Variants in FHOD3 observed in about 807,000 individuals in gnomAD.
The protein encoded by FHOD3 is FH1/FH2 domain-containing protein 3.
Under a neutral mutation model 173.0 loss-of-function variants are expected in FHOD3, and 90 were observed. The observed-to-expected ratio is 0.52, with a 90% CI of 0.44 to 0.62. The LOEUF is 0.62. Ranked by LOEUF, FHOD3 falls within the 20% of genes least tolerant of loss-of-function variation. The pLI is 0.00. For synonymous variants in FHOD3, 828 were observed against 823.0 expected, an observed-to-expected ratio of 1.01 and a Z score of -0.10; for missense variants, 1,945 against 2,034.7, an observed-to-expected ratio of 0.96 and a Z score of 0.85.
chr18:36,580,221 A>G (rs965425502), intron 6 of FHOD3, among the ~76,000 whole-genome samples: 10 of 151,950 alleles, frequency 6.6e-5, no homozygotes, highest in African/African-American at 2.2e-4. Context: ...GTGGTTCAGG[A>G]CTCTGGGCTG....
Position 36,375,198 on chromosome 18 carries a change from C to T in FHOD3, c.337+2454C>T, listed in dbSNP as rs563262535. ...TTTCTTATGGATAAAGAAAACAATA[C>T]CCGGAACAATTTTGAGTCAAAATGA... On this transcript the variant is annotated intron_variant, in intron 3 of 28. Coordinates refer to ENST00000590592, the MANE Select transcript of FHOD3 (RefSeq NM_001281740.3). Among the ~76,000 whole-genome samples the T allele has an allele frequency of 1.7e-3, 260 of 152,274 alleles. 11 individuals are homozygous for T. In the South Asian group the frequency reaches 0.048, roughly 28 times the overall value.
At chr18:36,504,606 G>A (rs577855946) in intron 4 of FHOD3, among the ~76,000 whole-genome samples, 2 of 151,694 alleles carry the variant, frequency 1.3e-5, no homozygotes, top group Admixed American at 6.6e-5. Context: ...GTGGGGGCAG[G>A]GGGGAGGGGA....
intron 17 of FHOD3, among the ~76,000 whole-genome samples, chr18:36,701,655 G>A (rs928893008): frequency 1.3e-5 from 2 of 152,064 alleles, no homozygotes; most frequent in South Asian, 4.2e-4. Flanking sequence ...GCCCCTTGTC[G>A]TATGAACAAT....
chr18:36,726,254 C>G (rs773939967), intron 19 of FHOD3, among the ~76,000 whole-genome samples: 41 of 151,988 alleles, frequency 2.7e-4, no homozygotes, highest in Non-Finnish European at 5.0e-4. Context: ...TGAGGTTTCT[C>G]ATTTATCCAA....
At chr18:36,509,032 T>C (rs1471654872) in intron 4 of FHOD3, among the ~76,000 whole-genome samples, 1 of 152,186 alleles carries the variant, frequency 6.6e-6, no homozygotes, top group Non-Finnish European at 1.5e-5. Flanking sequence ...CAATAAACTA[T>C]TTATAAATGA....
chr18:36,546,238 G>A (rs1194566051), intron 5 of FHOD3, among the ~76,000 whole-genome samples: 1 of 152,174 alleles, frequency 6.6e-6, no homozygotes, highest in African/African-American at 2.4e-5. Context: ...TACAAATAGG[G>A]ACTGTTTACC....
intron 10 of FHOD3, among the ~76,000 whole-genome samples, chr18:36,632,730 G>A (rs925384534): frequency 1.3e-5 from 2 of 152,184 alleles, no homozygotes; most frequent in Admixed American, 1.3e-4. Context: ...TAGGAGGTAA[G>A]CAATGGAAGA....
chr18:36,572,579 T>C (rs182718355), intron 5 of FHOD3, among the ~76,000 whole-genome samples: 1 of 152,306 alleles, frequency 6.6e-6, no homozygotes, highest in East Asian at 1.9e-4. Context: ...ACATGAACTT[T>C]GTAGTGATGC....
intron 5 of FHOD3, among the ~76,000 whole-genome samples, chr18:36,542,899 T>A (rs1464589962): frequency 6.6e-6 from 1 of 152,222 alleles, no homozygotes; most frequent in Non-Finnish European, 1.5e-5. Context: ...TTTTTATGTA[T>A]CAACTCAGCT....
Position 36,754,588 on chromosome 18 carries a change from A to T in FHOD3, c.4233-531A>T, listed in dbSNP as rs1378016721. On this transcript the variant is annotated intron_variant, in intron 24 of 28. Coordinates refer to ENST00000590592, the MANE Select transcript of FHOD3 (RefSeq NM_001281740.3). ...TAAAAATATTTACTCAGAAAACAGC[A>T]TCTACTTAGAAGCTATGAATTAACA... Among the ~76,000 whole-genome samples the T allele has an allele frequency of 1.3e-5, 2 of 152,110 alleles. 1 individual carries two copies. Among genetic ancestry groups the T allele is most frequent in the East Asian group, 3.8e-4 (2 of 5,206 alleles).
Position 36,611,881 on chromosome 18 carries a change from T to G in FHOD3, c.814-71T>G, listed in dbSNP as rs201884191. The G allele has an allele frequency of 1.7e-3, 2,517 of 1,472,980 alleles. 3 individuals are homozygous for G. The highest frequency in any genetic ancestry group is 2.1e-3 in the Non-Finnish European group (2,312 of 1,093,072). The allele number at this position is 1,472,980 out of a possible 1,614,324, so 91.2% of individuals were successfully genotyped here. A position where few individuals can be genotyped will look rare whatever the true frequency, so the allele number is the denominator to read the frequency against. ...ATAACAATATGCCTGGATTAGGCATTGGAAAATGCCCTGAGAGCCTCAAGG... is the reference window on the plus strand; with the variant it reads ...ATAACAATATGCCTGGATTAGGCATGGGAAAATGCCCTGAGAGCCTCAAGG... On this transcript the variant is annotated intron_variant, in intron 8 of 28. Transcript: ENST00000590592.
intron 5 of FHOD3, among the ~76,000 whole-genome samples, chr18:36,562,887 C>T (rs987679136): frequency 4.6e-5 from 7 of 152,140 alleles, no homozygotes; most frequent in African/African-American, 7.2e-5. Flanking sequence ...AGATCCAAGG[C>T]GTGAGGAGGG....
chr18:36,422,385 T>C (rs903438042), intron 3 of FHOD3, among the ~76,000 whole-genome samples: 3 of 152,206 alleles, frequency 2.0e-5, no homozygotes, highest in Admixed American at 6.5e-5. Flanking sequence ...CTATCCCCTG[T>C]TGAAGGATAG....
In FHOD3 at chr18:36,459,236, A is replaced by T. The variant is rs1318437328; in HGVS notation, c.338-42696A>T. On this transcript the variant is annotated intron_variant, in intron 3 of 28. Coordinates refer to ENST00000590592, the MANE Select transcript of FHOD3 (RefSeq NM_001281740.3). ...TCCTGATTGAGAAAGAGGAGCTTGC[A>T]GTCTAGTTGGGCAGATAAGTGATAC... Among the ~76,000 whole-genome samples the T allele has an allele frequency of 2.0e-5, 3 of 152,242 alleles. No individual in the cohort carries two copies. In the East Asian group the frequency reaches 5.8e-4, roughly 29 times the overall value.
chr18:36,532,048 C>T (rs901097664), intron 5 of FHOD3, among the ~76,000 whole-genome samples: 2 of 152,368 alleles, frequency 1.3e-5, no homozygotes, highest in South Asian at 2.1e-4. Flanking sequence ...CTTCTGTTCT[C>T]TGCACAGCTG....
intron 3 of FHOD3, among the ~76,000 whole-genome samples, chr18:36,468,107 CGA>C (rs749624596): frequency 8.7e-4 from 132 of 152,120 alleles, no homozygotes; most frequent in Non-Finnish European, 1.6e-3. Context: ...TTCTGGGAGC[CGA>C]GAGGGGAAGA....
intron 3 of FHOD3, among the ~76,000 whole-genome samples, chr18:36,457,459 A>G (rs1461800607): frequency 9.9e-5 from 15 of 152,242 alleles, no homozygotes; most frequent in Non-Finnish European, 7.3e-5. Context: ...GCTTCCGTAC[A>G]GAACATCTGA....
chr18:36,532,279 C>T (rs528256948), intron 5 of FHOD3, among the ~76,000 whole-genome samples: 100 of 152,298 alleles, frequency 6.6e-4, no homozygotes, highest in Non-Finnish European at 9.7e-4. Context: ...GCAGTGATTG[C>T]CACAATCCAG....
intron 8 of FHOD3, among the ~76,000 whole-genome samples, chr18:36,610,304 T>C (rs1273365632): frequency 6.6e-6 from 1 of 152,226 alleles, no homozygotes; most frequent in Admixed American, 6.5e-5. Flanking sequence ...TTTAATAAGT[T>C]CTAGAGTTTT....
Sources: gnomAD v4.1 joint callset for allele counts (sites outside exome capture counted in the v4.1 genomes callset) on GRCh38, gnomAD v4.1.1 for gene constraint, MANE v1.5 for transcripts, NCBI Gene and HGNC (gene_info 2026-07-23, HGNC 2026-07-21) for gene names.